Variants in BBX observed in about 807,000 individuals in gnomAD.
BBX encodes the protein BBX high mobility group box domain containing, also known as HMG box transcription factor BBX.
In BBX, 30 loss-of-function variants were observed where a neutral mutation model predicts 100.2. The ratio of observed to expected loss-of-function variants is 0.30; its 90% CI spans 0.22 to 0.41. The LOEUF (loss-of-function observed/expected upper bound fraction) is 0.41. BBX is among the 10% of genes least tolerant of loss of function. The pLI is 1.00. For synonymous variants in BBX, 376 were observed against 388.1 expected, an observed-to-expected ratio of 0.97 and a Z score of 0.37; for missense variants, 1,023 against 1,129.8, an observed-to-expected ratio of 0.91 and a Z score of 1.35.
chr3:107,782,198 C>A (rs2067965598), intron 13 of BBX, among the ~76,000 whole-genome samples: 1 of 152,022 alleles, frequency 6.6e-6, no homozygotes, highest in South Asian at 2.1e-4. Flanking sequence ...AGTGGCTCCT[C>A]CCTCTGAATG....
intron 2 of BBX, among the ~76,000 whole-genome samples, chr3:107,619,353 A>C (rs536812859): frequency 6.6e-6 from 1 of 152,060 alleles, no homozygotes; most frequent in South Asian, 2.1e-4. Flanking sequence ...TAATTGGTGC[A>C]TAACCCCATA....
chr3:107,547,686 C>T (rs1480374809), intron 2 of BBX, among the ~76,000 whole-genome samples: 1 of 152,174 alleles, frequency 6.6e-6, no homozygotes, highest in African/African-American at 2.4e-5. Flanking sequence ...AAGATCATAA[C>T]AAATATTACT....
At chr3:107,589,630 T>C (rs1244239783) in intron 2 of BBX, among the ~76,000 whole-genome samples, 2 of 152,112 alleles carry the variant, frequency 1.3e-5, no homozygotes, top group Non-Finnish European at 2.9e-5. Context: ...CTTGACTTGG[T>C]TTTTGAGCAG....
At chr3:107,639,506 C>T (rs2107761045) in intron 2 of BBX, among the ~76,000 whole-genome samples, 1 of 152,302 alleles carries the variant, frequency 6.6e-6, no homozygotes, top group South Asian at 2.1e-4. Flanking sequence ...GTCGTTATTC[C>T]TGATGTAGCT....
intron 2 of BBX, among the ~76,000 whole-genome samples, chr3:107,577,036 T>C (rs1344686468): frequency 6.6e-6 from 1 of 152,106 alleles, no homozygotes; most frequent in East Asian, 1.9e-4. Context: ...AATTTTTGTA[T>C]TTTTAGTAGA....
intron 4 of BBX, 41 bp from the exon 5 acceptor site, chr3:107,716,566 A>G: frequency 6.3e-7 from 1 of 1,593,368 alleles, no homozygotes; most frequent in Non-Finnish European, 8.6e-7. Context: ...AAAATTATCC[A>G]AAATATGTTA....
rs555386438 is a variant in BBX at position 107,618,724 on chromosome 3, A to C, written c.-83-27112A>C. Reference sequence around the variant, plus strand: ...TGTTTTCTTTCTGTTACTATTAATAATTTCTAATTTTATGCCCTTGTGACT... The same window carrying C: ...TGTTTTCTTTCTGTTACTATTAATACTTTCTAATTTTATGCCCTTGTGACT... On this transcript the variant is annotated intron_variant, in intron 2 of 17. Transcript: ENST00000325805. 4.6e-5 allele frequency among the ~76,000 whole-genome samples: 7 copies of C among 151,940 alleles called. No homozygotes were observed. The South Asian group carries it at 1.5e-3, about 32-fold the overall frequency.
intron 2 of BBX, among the ~76,000 whole-genome samples, chr3:107,639,847 GA>G (rs1438664796): frequency 5.3e-5 from 8 of 152,158 alleles, no homozygotes; most frequent in African/African-American, 1.9e-4. Context: ...AAACATATAT[GA>G]AAGCCATCTA....
intron 2 of BBX, among the ~76,000 whole-genome samples, chr3:107,572,865 C>T (rs2051475665): frequency 6.6e-6 from 1 of 152,118 alleles, no homozygotes; most frequent in Non-Finnish European, 1.5e-5. Context: ...CAAAAGAAGT[C>T]TGTGCATTTA....
At chr3:107,737,884 G>GTTTTTTTTTTTTTTTTT (rs1156396951) in intron 7 of BBX, among the ~76,000 whole-genome samples, 6 of 48,900 alleles carry the variant, frequency 1.2e-4, no homozygotes, top group Admixed American at 2.6e-4. Context: ...CAGAGTTCCA[G>GTTTTTTTTTTTTTTTTT]TTTTTTTTTT....
intron 2 of BBX, among the ~76,000 whole-genome samples, chr3:107,542,625 C>T (rs974775051): frequency 1.3e-5 from 2 of 152,190 alleles, no homozygotes; most frequent in East Asian, 1.9e-4. Flanking sequence ...TGTTTCCACC[C>T]TCTTTTATAC....
chr3:107,740,494 C>G (rs1173961393), intron 7 of BBX, among the ~76,000 whole-genome samples: 1 of 152,020 alleles, frequency 6.6e-6, no homozygotes, highest in Non-Finnish European at 1.5e-5. Flanking sequence ...CTCCAGTCAT[C>G]CCCAGACAGC....
intron 2 of BBX, among the ~76,000 whole-genome samples, chr3:107,565,041 AT>A (rs936937656): frequency 3.3e-5 from 5 of 151,836 alleles, no homozygotes; most frequent in African/African-American, 1.2e-4. Context: ...AATCTCACAC[AT>A]TTTTTTCTTG....
chr3:107,772,124 T>C lies in BBX; in HGVS notation c.907-504T>C, dbSNP rs372047477. ...AAAAAATCCAAAATTTGAAACACTT[T>C]CGTTTTCAAGCATTTCGGATAAGGG... On this transcript the variant is annotated intron_variant, in intron 10 of 17. Transcript: ENST00000325805. Among the ~76,000 whole-genome samples the C allele has an allele frequency of 3.3e-5, 5 of 152,156 alleles. No individual in the cohort carries two copies. In the East Asian group the frequency reaches 7.7e-4, roughly 23 times the overall value.
At chr3:107,694,805 G>T (rs978401364) in intron 3 of BBX, among the ~76,000 whole-genome samples, 1 of 151,670 alleles carries the variant, frequency 6.6e-6, no homozygotes, top group Non-Finnish European at 1.5e-5. Flanking sequence ...ATATAATTCA[G>T]CTGTGAATCC....
intron 3 of BBX, among the ~76,000 whole-genome samples, chr3:107,690,892 C>CTTTTTTTTT (rs66523709): frequency 9.7e-5 from 4 of 41,190 alleles, no homozygotes; most frequent in Non-Finnish European, 1.2e-4. Context: ...GCCCCCCCCC[C>CTTTTTTTTT]TTTTTTTTTT....
intron 3 of BBX, among the ~76,000 whole-genome samples, chr3:107,687,412 A>G (rs2059911343): frequency 6.6e-6 from 1 of 150,926 alleles, no homozygotes; most frequent in South Asian, 2.1e-4. Context: ...TTTTTCTTGT[A>G]GAGAATGGAG....
Position 107,773,442 on chromosome 3 carries a change from C to A in BBX, c.1721C>A (p.Ala574Glu), listed in dbSNP as rs142818442. 1.9e-6 allele frequency: 3 copies of A among 1,613,980 alleles called. No individual in the cohort carries two copies. The highest frequency in any genetic ancestry group is 1.7e-5 in the Admixed American group (1 of 59,992). The change falls in exon 11 of 18, where the codon GCA (alanine) becomes GAA (glutamate). Residue 574 changes from alanine (A) to glutamate (E), a missense_variant. By Grantham distance (107) the Ala-to-Glu change is moderately radical. Around this residue, in one of 9 missense-constraint regions of BBX, gnomAD observed 348 missense variants for 353.2 expected, o/e 0.99. Transcript: ENST00000325805. This position sits in a 1 kb window ranked among gnomAD's most constrained non-coding sequence, Gnocchi z 4.1. The part of the protein sequence containing the change: ...ISGETPEGIK[A>E]EPLTPMEDAL... Reference sequence around the variant, plus strand: ...GGTGAGACACCAGAGGGTATAAAAGCAGAACCATTGACCCCTATGGAAGAT... The same window carrying A: ...GGTGAGACACCAGAGGGTATAAAAGAAGAACCATTGACCCCTATGGAAGAT...
At chr3:107,789,667 T>C (rs2068788834) in intron 13 of BBX, 120 bp from the exon 14 acceptor site, 4 of 676,408 alleles carry the variant, frequency 5.9e-6, no homozygotes, top group East Asian at 5.8e-5. Flanking sequence ...AGATGACATT[T>C]ATTGAGATTC....
Sources: gnomAD v4.1 joint callset for allele counts (sites outside exome capture counted in the v4.1 genomes callset) on GRCh38, gnomAD v4.1.1 for gene constraint, gnomAD v4.1.1 regional missense constraint, Gnocchi (gnomAD v3.1) non-coding constraint, MANE v1.5 for transcripts, NCBI Gene and HGNC (gene_info 2026-07-23, HGNC 2026-07-21) for gene names.